The following IL1RAPL1 variants were observed in gnomAD, a reference collection of about 807,000 sequenced individuals.
IL1RAPL1 encodes interleukin 1 receptor accessory protein like 1.
In IL1RAPL1, 3 loss-of-function variants were observed where a neutral mutation model predicts 48.4. The observed-to-expected ratio is 0.06, with a 90% CI of 0.03 to 0.16. IL1RAPL1 has a LOEUF of 0.16. Ranked by LOEUF, IL1RAPL1 falls within the 10% of genes least tolerant of loss-of-function variation. The pLI is 1.00. For synonymous variants in IL1RAPL1, 185 were observed against 187.7 expected (o/e 0.99, Z 0.12); for missense variants, 349 against 530.6 (o/e 0.66, Z 3.36).
chrX:29,258,351 C>CA (rs1332884797), intron 2 of IL1RAPL1, among the ~76,000 whole-genome samples: 1 of 111,280 alleles, frequency 9.0e-6, no homozygotes, highest in Non-Finnish European at 1.9e-5. Flanking sequence ...TTTCACGTCA[C>CA]AAAAAAACAA....
At chrX:29,799,446 C>T (rs756085295) in intron 6 of IL1RAPL1, among the ~76,000 whole-genome samples, 11 of 111,830 alleles carry the variant, frequency 9.8e-5, no homozygotes, top group South Asian at 3.7e-4. Context: ...GCCAATATTA[C>T]GATTAGCAAA....
At chrX:29,239,217 A>G (rs1318662495) in intron 2 of IL1RAPL1, among the ~76,000 whole-genome samples, 1 of 111,955 alleles carries the variant, frequency 8.9e-6, no homozygotes, top group African/African-American at 3.2e-5. Flanking sequence ...CTCAATACTA[A>G]TCTATGTGGA....
intron 2 of IL1RAPL1, among the ~76,000 whole-genome samples, chrX:29,065,353 A>G (rs918689858): frequency 9.0e-6 from 1 of 111,446 alleles, no homozygotes; most frequent in African/African-American, 3.3e-5. Flanking sequence ...TCCCACTGTG[A>G]TCACCATTGT....
In IL1RAPL1 at chrX:28,676,173, G is replaced by A. The variant is rs190458491; in HGVS notation, c.-25+88126G>A. ...CCACAACACTTAATTTTTAATCTAC[G>A]ATATGATCATTTTATTGCTCCATCC... is the stretch of plus-strand genomic sequence containing the variant. On this transcript the variant is annotated intron_variant, in intron 1 of 10. Transcript: ENST00000378993. Among the ~76,000 whole-genome samples the A allele has an allele frequency of 5.0e-4, 55 of 110,600 alleles. 1 individual carries two copies. The highest frequency in any genetic ancestry group is 4.7e-3 in the Middle Eastern group (1 of 214).
chrX:28,737,199 TTC>T (rs1393296661), intron 1 of IL1RAPL1, among the ~76,000 whole-genome samples: 4 of 85,051 alleles, frequency 4.7e-5, no homozygotes, highest in African/African-American at 1.8e-4. Context: ...TTCTCTTTCT[TTC>T]TTTCTCTTTC....
intron 6 of IL1RAPL1, among the ~76,000 whole-genome samples, chrX:29,889,490 A>G (rs1223694994): frequency 8.9e-6 from 1 of 111,850 alleles, no homozygotes; most frequent in African/African-American, 3.2e-5. Flanking sequence ...GTATGAAAAG[A>G]AGTGTCCAAT....
intron 5 of IL1RAPL1, among the ~76,000 whole-genome samples, chrX:29,417,449 G>A (rs1336319268): frequency 9.0e-6 from 1 of 111,577 alleles, no homozygotes; most frequent in Non-Finnish European, 1.9e-5. Context: ...AGTTCAATAT[G>A]AATATGCAAA....
chrX:29,889,867 AT>A (rs763936615), intron 6 of IL1RAPL1, among the ~76,000 whole-genome samples: 1,138 of 106,618 alleles, frequency 0.011, 9 homozygotes, highest in African/African-American at 0.037. Flanking sequence ...AACTGTTTCA[AT>A]TTTTTTTTTA....
chrX:29,715,838 G>A (rs1456794404), intron 6 of IL1RAPL1, among the ~76,000 whole-genome samples: 2 of 112,022 alleles, frequency 1.8e-5, no homozygotes, highest in Admixed American at 1.9e-4. Flanking sequence ...GTCTTTGAAT[G>A]TCCCAGAAAG....
chrX:29,884,309 G>C (rs1360376483), intron 6 of IL1RAPL1, among the ~76,000 whole-genome samples: 1 of 110,956 alleles, frequency 9.0e-6, no homozygotes, highest in Non-Finnish European at 1.9e-5. Flanking sequence ...GACCACCATG[G>C]TGTTCAATTT....
intron 2 of IL1RAPL1, among the ~76,000 whole-genome samples, chrX:28,819,607 G>T (rs550774760): frequency 4.5e-5 from 5 of 110,223 alleles, no homozygotes; most frequent in South Asian, 3.8e-4. Flanking sequence ...ACTGGCAAGA[G>T]ATTTTTAGTT....
chrX:29,136,356 A>T (rs2147488137), intron 2 of IL1RAPL1, among the ~76,000 whole-genome samples: 1 of 109,678 alleles, frequency 9.1e-6, no homozygotes, highest in South Asian at 3.9e-4. Context: ...TGATCTCCTG[A>T]CCTCAGGTGA....
intron 1 of IL1RAPL1, among the ~76,000 whole-genome samples, chrX:28,674,728 T>G (rs193218341): frequency 2.7e-5 from 3 of 111,942 alleles, no homozygotes; most frequent in African/African-American, 9.7e-5. Flanking sequence ...AGACTTATGT[T>G]TTAATAGCTT....
chrX:29,918,019 A>C (rs1442190018), intron 7 of IL1RAPL1, among the ~76,000 whole-genome samples: 10 of 96,711 alleles, frequency 1.0e-4, no homozygotes, highest in African/African-American at 3.8e-4. Flanking sequence ...GCTACTCGGG[A>C]GGCTGAGGCA....
chrX:29,796,211 T>G (rs894115300), intron 6 of IL1RAPL1, among the ~76,000 whole-genome samples: 4 of 112,202 alleles, frequency 3.6e-5, no homozygotes, highest in African/African-American at 1.3e-4. Flanking sequence ...AGGTGAAAGG[T>G]TCAGAATAAA....
intron 2 of IL1RAPL1, among the ~76,000 whole-genome samples, chrX:29,191,640 G>A (rs1370750057): frequency 1.8e-5 from 2 of 111,488 alleles, no homozygotes; most frequent in East Asian, 5.6e-4. Flanking sequence ...ATTAGAGTGT[G>A]GGGAGGGAAA....
At chrX:29,393,167 C>G (rs1933875135) in intron 3 of IL1RAPL1, among the ~76,000 whole-genome samples, 1 of 65,451 alleles carries the variant, frequency 1.5e-5, no homozygotes, top group Admixed American at 1.7e-4. Context: ...GCTCTGTCGC[C>G]CAGGCTTGCA....
At chrX:29,584,580 C>T (rs1923092528) in intron 5 of IL1RAPL1, among the ~76,000 whole-genome samples, 1 of 111,209 alleles carries the variant, frequency 9.0e-6, no homozygotes, top group Non-Finnish European at 1.9e-5. Flanking sequence ...CAGTCTTCAT[C>T]TTACTTAAAA....
chrX:29,344,566 A>G (rs1933124459), intron 3 of IL1RAPL1, among the ~76,000 whole-genome samples: 1 of 112,125 alleles, frequency 8.9e-6, no homozygotes, highest in South Asian at 3.7e-4. Flanking sequence ...CACACAGGGA[A>G]CATCTTAATC....
Sources: gnomAD v4.1 joint callset for allele counts (sites outside exome capture counted in the v4.1 genomes callset) on GRCh38, gnomAD v4.1.1 for gene constraint, MANE v1.5 for transcripts, NCBI Gene and HGNC (gene_info 2026-07-23, HGNC 2026-07-21) for gene names.